POU2AF1: variants seen among roughly 807,000 people sequenced by gnomAD.
The protein encoded by POU2AF1 is POU domain class 2-associating factor 1.
POU2AF1 carries 12 observed loss-of-function variants against 26.3 expected under a neutral mutation model. That is an observed-to-expected ratio of 0.46 (90% confidence interval 0.29 to 0.74). The LOEUF (loss-of-function observed/expected upper bound fraction) is 0.74. Among genes scored for constraint, POU2AF1 ranks in the 30% least tolerant of loss-of-function variants. The pLI, the probability that POU2AF1 is intolerant of heterozygous loss-of-function variation, is 0.09. For missense variants in POU2AF1, 297 were observed against 334.5 expected (o/e 0.89, Z 0.87); for synonymous variants, 175 against 148.0 (o/e 1.18, Z -1.32).
chr11:111,374,116 ATTTTT>A (rs60260380), intron 1 of POU2AF1, among the ~76,000 whole-genome samples: 4 of 109,648 alleles, frequency 3.6e-5, no homozygotes, highest in East Asian at 2.5e-4. Flanking sequence ...GGCAAACTTG[ATTTTT>A]TTTTTTTTTT....
chr11:111,363,231 G>A, intron 1 of POU2AF1: 1 of 1,018,778 alleles, frequency 9.8e-7, no homozygotes, highest in Non-Finnish European at 1.2e-6. Flanking sequence ...TCTCCTGACT[G>A]CCCGGCACGT....
intron 1 of POU2AF1, among the ~76,000 whole-genome samples, chr11:111,359,559 C>T (rs189361845): frequency 1.0e-3 from 158 of 152,340 alleles, no homozygotes; most frequent in Non-Finnish European, 1.8e-3. Flanking sequence ...GTTACTAAAC[C>T]TCTCTGTGCC....
chr11:111,368,613 G>A (rs1051236805), intron 1 of POU2AF1, among the ~76,000 whole-genome samples: 1 of 152,186 alleles, frequency 6.6e-6, no homozygotes, highest in South Asian at 2.1e-4. Flanking sequence ...CTAAGCGAGG[G>A]CCCTCTTCAA....
chr11:111,371,720 A>C (rs1244913114), intron 1 of POU2AF1, among the ~76,000 whole-genome samples: 1 of 152,152 alleles, frequency 6.6e-6, no homozygotes, highest in African/African-American at 2.4e-5. Flanking sequence ...AATAATAGCA[A>C]CTAATATTTA....
chr11:111,356,545 G>A (rs186292236), intron 4 of POU2AF1, among the ~76,000 whole-genome samples: 5 of 152,338 alleles, frequency 3.3e-5, no homozygotes, highest in Non-Finnish European at 7.4e-5. Flanking sequence ...CTGGACTGGA[G>A]CTGGATACAG....
chr11:111,373,491 A>G (rs995109897), intron 1 of POU2AF1, among the ~76,000 whole-genome samples: 4 of 152,262 alleles, frequency 2.6e-5, no homozygotes, highest in Non-Finnish European at 5.9e-5. Flanking sequence ...CCCTAAGCAG[A>G]TAGAAGAATC....
chr11:111,375,557 C>T lies in POU2AF1; in HGVS notation c.16+3605G>A, dbSNP rs573308639. Among the ~76,000 whole-genome samples the T allele has an allele frequency of 2.0e-3, 308 of 152,006 alleles. 1 individual carries two copies. The highest frequency in any genetic ancestry group is 3.6e-3 in the Non-Finnish European group (243 of 67,960). On this transcript the variant is annotated intron_variant, in intron 1 of 4. Coordinates refer to ENST00000393067, the MANE Select transcript of POU2AF1 (RefSeq NM_006235.3). ...GACTACAGGGGCCTGCCACCACAAC[C>T]CCAGCTAATTTTTTTGTATTTTTAG...
Position 111,355,450 on chromosome 11 carries a change from G to T in POU2AF1, c.457-875C>A, listed in dbSNP as rs114130402. On this transcript the variant is annotated intron_variant, in intron 4 of 4. Coordinates refer to ENST00000393067, the MANE Select transcript of POU2AF1 (RefSeq NM_006235.3). ...TTGAGGAAAGCAGATAGAAGAGGAT[G>T]CTCTCTGCATGGATTCATGAGAGGG... 3.3e-3 allele frequency among the ~76,000 whole-genome samples: 496 copies of T among 152,290 alleles called. 3 individuals carry two copies. The highest frequency in any genetic ancestry group is 0.012 in the African/African-American group (478 of 41,558).
At chr11:111,363,922 C>T (rs932085571) in intron 1 of POU2AF1, 3 of 985,252 alleles carry the variant, frequency 3.0e-6, no homozygotes, top group Non-Finnish European at 3.6e-6. Context: ...TTAGCATGAG[C>T]CTCTCGGCCC....
intron 1 of POU2AF1, chr11:111,359,224 C>G: frequency 2.4e-6 from 1 of 416,886 alleles, no homozygotes; most frequent in Non-Finnish European, 4.3e-6. Flanking sequence ...ACCCTGTCTC[C>G]AACCAGAAGG....
At chr11:111,378,701 C>G (rs1490695285) in intron 1 of POU2AF1, among the ~76,000 whole-genome samples, 1 of 152,142 alleles carries the variant, frequency 6.6e-6, no homozygotes, top group Admixed American at 6.5e-5. Flanking sequence ...TGGCAGAAAG[C>G]TAAGTCACTC....
rs533458963 is a variant in POU2AF1 at position 111,358,845 on chromosome 11, T to A, written c.90A>T (p.Glu30Asp). 1 of 1,609,292 alleles carries A rather than the reference T, an allele frequency of 6.2e-7. No homozygotes were observed. Among genetic ancestry groups the A allele is most frequent in the East Asian group, 2.2e-5 (1 of 44,884 alleles). The change falls in exon 2 of 5, where the codon GAA becomes GAT. Residue 30 changes from glutamate to aspartate, a missense_variant. Physicochemically the swap from Glu to Asp is conservative, Grantham distance 45. Coordinates refer to ENST00000393067, the MANE Select transcript of POU2AF1 (RefSeq NM_006235.3). ...QGVRVKEPVK[E>D]LLRRKRGHAS... Reference sequence around the variant, plus strand: ...CGTGGCCTCGCTTCCTCCTCAGCAGTTCCTTCACTGGCTCCTTCACACGGA... The same window carrying A: ...CGTGGCCTCGCTTCCTCCTCAGCAGATCCTTCACTGGCTCCTTCACACGGA...
intron 1 of POU2AF1, among the ~76,000 whole-genome samples, chr11:111,370,896 G>C (rs929168061): frequency 1.3e-5 from 2 of 152,136 alleles, no homozygotes; most frequent in South Asian, 4.2e-4. Flanking sequence ...TTATTTCATT[G>C]GTTGGTTTCT....
chr11:111,379,030 C>G, intron 1 of POU2AF1, 132 bp downstream of exon 1: 3 of 583,042 alleles, frequency 5.1e-6, no homozygotes, highest in East Asian at 6.1e-5. Flanking sequence ...TGCTCCGGGG[C>G]TTGGAACCCA....
In POU2AF1 at chr11:111,354,186, A is replaced by G. The variant is rs550344568; in HGVS notation, c.*75T>C. 21 of 1,512,442 alleles carry G rather than the reference A, an allele frequency of 1.4e-5. No homozygotes were observed. The South Asian group carries it at 2.1e-4, about 15-fold the overall frequency. 93.7% of individuals were successfully genotyped at this position (1,512,442 alleles called of 1,614,324 possible). ...CATGAAATGACTACTCCAAACAAGC[A>G]TGAACCTGGGGCTCAATTCCAGGCT... On this transcript the variant is annotated 3_prime_UTR_variant, in exon 5 of 5. Transcript: ENST00000393067.
At chr11:111,365,031 G>T (rs1815945) in intron 1 of POU2AF1, among the ~76,000 whole-genome samples, 95,016 of 152,046 alleles carry the variant, frequency 0.62, 30,307 homozygotes, top group Admixed American at 0.7. Context: ...ATGAAAAACA[G>T]AACTTTTCCT....
chr11:111,357,261 CT>C (rs919566351), intron 4 of POU2AF1, among the ~76,000 whole-genome samples, 183 bp downstream of exon 4: 2 of 152,144 alleles, frequency 1.3e-5, no homozygotes, highest in African/African-American at 4.8e-5. Flanking sequence ...TGCGAGACAT[CT>C]TTGTGGAAGT....
chr11:111,376,932 A>T (rs1278340554), intron 1 of POU2AF1, among the ~76,000 whole-genome samples: 1 of 152,120 alleles, frequency 6.6e-6, no homozygotes, highest in East Asian at 1.9e-4. Context: ...GGACAATTCA[A>T]GATAATTTTG....
chr11:111,357,953 G>T, intron 2 of POU2AF1, 116 bp from the exon 3 acceptor site: 1 of 1,178,246 alleles, frequency 8.5e-7, no homozygotes, highest in Non-Finnish European at 1.2e-6. Context: ...AATCTCTCTG[G>T]TTAGAACAAA....
Sources: allele counts gnomAD v4.1 joint callset (sites outside exome capture counted in the v4.1 genomes callset), GRCh38; gene constraint gnomAD v4.1.1; transcripts MANE v1.5; gene names NCBI Gene and HGNC (gene_info 2026-07-23, HGNC 2026-07-21).